The following RIF1 variants were observed in gnomAD, a reference collection of about 807,000 sequenced individuals.
RIF1 encodes the protein replication timing regulatory factor 1.
A neutral mutation model predicts 247.1 loss-of-function variants in RIF1; 45 were observed. The observed-to-expected ratio is 0.18, with a 90% CI of 0.14 to 0.23. The LOEUF (loss-of-function observed/expected upper bound fraction) is 0.23. Among genes scored for constraint, RIF1 ranks in the 10% least tolerant of loss-of-function variants. The pLI is 1.00. For synonymous variants in RIF1, 1,087 were observed against 978.8 expected (o/e 1.11, Z -2.06); for missense variants, 2,967 against 2,862.5 (o/e 1.04, Z -0.83).
At chr2:151,498,242 CCT>C in intron 10 of RIF1, 1 of 1,550,706 alleles carries the variant, frequency 6.4e-7, no homozygotes, top group Non-Finnish European at 8.7e-7. Flanking sequence ...CATTTTTTCC[CCT>C]TTCTTTCCAA....
chr2:151,492,573 A>C, intron 9 of RIF1: 1 of 1,096,608 alleles, frequency 9.1e-7, no homozygotes. Flanking sequence ...ATAGAGATGG[A>C]TAGGAGCTGG....
chr2:151,472,315 A>G (rs532482604), intron 34 of RIF1, among the ~76,000 whole-genome samples: 13 of 152,328 alleles, frequency 8.5e-5, no homozygotes, highest in Non-Finnish European at 1.6e-4. Context: ...GTCATCTGCA[A>G]ACAGGAACAA....
intron 12 of RIF1, chr2:151,505,839 A>G (rs1444179607): frequency 3.7e-6 from 2 of 540,396 alleles, no homozygotes; most frequent in East Asian, 3.1e-5. Context: ...TGTATACTCC[A>G]ATGTCTTTAT....
rs35001554 is a variant in RIF1, at chr2:151,426,168, A to ATTTTTTTTTTTTTTT, written c.787-2606_787-2592dup. Among the ~76,000 whole-genome samples the ATTTTTTTTTTTTTTT allele has an allele frequency of 1.2e-3, 71 of 58,210 alleles. 13 individuals are homozygous for ATTTTTTTTTTTTTTT. The highest frequency in any genetic ancestry group is 0.011 in the East Asian group (16 of 1,468). The allele number at this position is 58,210 out of a possible 152,430, so 38.2% of individuals were successfully genotyped here. A position where few individuals can be genotyped will look rare whatever the true frequency, so the allele number is the denominator to read the frequency against. On this transcript the variant is annotated intron_variant, in intron 8 of 35. Transcript: ENST00000444746. Reference sequence around the variant, plus strand: ...TTTTTCAGGATTGTTTTGGCTTTTAATTTTTTTTTTTTTTTTTTTTTTTTG... The same window carrying ATTTTTTTTTTTTTTT: ...TTTTTCAGGATTGTTTTGGCTTTTAATTTTTTTTTTTTTTTTTTTTTTTTTTTTTTTTTTTTTTTG...
chr2:151,411,809 A>T (rs1336868609), intron 3 of RIF1, among the ~76,000 whole-genome samples: 1 of 152,218 alleles, frequency 6.6e-6, no homozygotes. Context: ...AAAGCTTCTC[A>T]GGTACTTTCT....
chr2:151,463,429 G>T lies in RIF1; in HGVS notation c.3909G>T (p.Lys1303Asn), dbSNP rs72860281. The change falls in exon 30 of 36, where the codon AAG becomes AAT. Residue 1303 changes from lysine (K) to asparagine (N), a missense_variant. Lys to Asn is a moderately conservative substitution (Grantham distance 94). Coordinates refer to ENST00000444746, the MANE Select transcript of RIF1 (RefSeq NM_018151.5). The part of the protein sequence containing the change: ...KAEQTGNKRS[K>N]PLMRSEPEKN... ...AACAAACAGGGAATAAAAGGTCTAA[G>T]CCCTTAATGAGATCTGAGCCGGAGA... 2 of 1,614,004 alleles carry T rather than the reference G, an allele frequency of 1.2e-6. No individual in the cohort carries two copies. Among genetic ancestry groups the T allele is most frequent in the East Asian group, 4.5e-5 (2 of 44,878 alleles).
intron 9 of RIF1, chr2:151,492,492 A>G: frequency 6.2e-7 from 1 of 1,607,918 alleles, no homozygotes; most frequent in Non-Finnish European, 8.5e-7. Flanking sequence ...CAGAATAAAG[A>G]ACCTGATGCA....
intron 16 of RIF1, 51 bp downstream of exon 16, chr2:151,442,042 T>G (rs758161134): frequency 2.0e-6 from 1 of 507,100 alleles, no homozygotes; most frequent in Admixed American, 3.3e-5. Flanking sequence ...ACATTTATAC[T>G]TCCCTTTTTT....
chr2:151,515,048 G>C, the RIF1 span: 1 of 647,440 alleles, frequency 1.5e-6, no homozygotes, highest in Non-Finnish European at 2.7e-6. Flanking sequence ...TCATAGTTCT[G>C]CTAATGGTCA....
At chr2:151,526,273 A>G in the RIF1 span, 6 of 1,576,608 alleles carry the variant, frequency 3.8e-6, no homozygotes, top group Non-Finnish European at 5.2e-6. Flanking sequence ...CTTCAGGGGC[A>G]GGAAAAGGGG....
At chr2:151,485,623 A>G, downstream of RIF1, 1 of 739,818 alleles carries the variant, frequency 1.4e-6, no homozygotes, top group Non-Finnish European at 2.1e-6. Context: ...AGGAGAAAGG[A>G]TGGTACTACC....
intron 30 of RIF1, among the ~76,000 whole-genome samples, chr2:151,466,381 T>G (rs975915204): frequency 6.6e-6 from 1 of 152,226 alleles, no homozygotes; most frequent in Non-Finnish European, 1.5e-5. Context: ...TTGGCAAAAT[T>G]GATAAGGCTC....
the RIF1 span, chr2:151,529,380 CAAG>C: frequency 9.4e-7 from 1 of 1,062,550 alleles, no homozygotes; most frequent in Admixed American, 1.8e-5. Context: ...TCTTAAAAAA[CAAG>C]AAATTAAATC....
intron 24 of RIF1, 118 bp from the exon 25 acceptor site, chr2:151,458,689 CTTTA>C: frequency 2.1e-6 from 1 of 473,268 alleles, no homozygotes; most frequent in Non-Finnish European, 3.7e-6. Flanking sequence ...AAGGAACAGT[CTTTA>C]TTTAAAAATA....
At chr2:151,533,436 C>T in the RIF1 span, 2 of 1,538,692 alleles carry the variant, frequency 1.3e-6, no homozygotes, top group African/African-American at 2.7e-5. Context: ...TCCCATCAGA[C>T]ATTACCTGGC....
At chr2:151,458,571 T>C (rs541800394) in intron 24 of RIF1, among the ~76,000 whole-genome samples, 2 of 152,270 alleles carry the variant, frequency 1.3e-5, no homozygotes, top group South Asian at 2.1e-4. Context: ...CTTTATATAA[T>C]ATTCTACTTC....
At chr2:151,507,983 C>G (rs1176715802) in exon 14 of RIF1, 1 of 1,559,670 alleles carries the variant, frequency 6.4e-7, no homozygotes, top group East Asian at 2.3e-5. Context: ...TGGGCTGTGC[C>G]TTACATTTAA....
chr2:151,485,237 A>G (rs2049530120), downstream of RIF1: 1 of 152,250 alleles, frequency 6.6e-6, no homozygotes, highest in Non-Finnish European at 1.5e-5. Context: ...TTTTAAATTT[A>G]GATAATTTTT....
Position 151,475,327 on chromosome 2 carries a change from A to T in RIF1, c.*256A>T. 4.9e-6 allele frequency: 2 copies of T among 411,674 alleles called. No individual in the cohort carries two copies. The highest frequency in any genetic ancestry group is 8.7e-6 in the Non-Finnish European group (2 of 229,872). 25.5% of individuals were successfully genotyped at this position (411,674 alleles called of 1,614,324 possible). Reference sequence around the variant, plus strand: ...CAGGAAATTTAATTATCTTACTGAGATGTGAAAGCAAAACTAGTAACAGAA... The same window carrying T: ...CAGGAAATTTAATTATCTTACTGAGTTGTGAAAGCAAAACTAGTAACAGAA... On this transcript the variant is annotated 3_prime_UTR_variant, in exon 36 of 36. Coordinates refer to ENST00000444746, the MANE Select transcript of RIF1 (RefSeq NM_018151.5).
Sources: allele counts gnomAD v4.1 joint callset (sites outside exome capture counted in the v4.1 genomes callset), GRCh38; gene constraint gnomAD v4.1.1; transcripts MANE v1.5; gene names NCBI Gene and HGNC (gene_info 2026-07-23, HGNC 2026-07-21).